MARCO: variants seen among roughly 807,000 people sequenced by gnomAD.
MARCO encodes the protein macrophage receptor MARCO.
A neutral mutation model predicts 70.0 loss-of-function variants in MARCO; 72 were observed. The observed-to-expected ratio is 1.03, with a 90% CI of 0.85 to 1.25. The LOEUF (loss-of-function observed/expected upper bound fraction) is 1.25, where lower values mean the gene tolerates loss of function less well. Ranked by LOEUF, MARCO falls within the 50% of genes most tolerant of loss-of-function variation. MARCO has a pLI of 0.00. For missense variants in MARCO, 696 were observed against 659.3 expected (o/e 1.06, Z -0.61); for synonymous variants, 273 against 243.1 (o/e 1.12, Z -1.14).
intron 10 of MARCO, 112 bp from the exon 11 acceptor site, chr2:118,982,044 G>C (rs1558669785): frequency 4.4e-6 from 3 of 688,186 alleles, no homozygotes; most frequent in Non-Finnish European, 5.0e-6. Context: ...CAAGAGGACT[G>C]TAAGGTGTTA....
rs547350384 is a variant in MARCO, at chr2:118,979,879, T to C, written c.767-1530T>C. The stretch of plus-strand genomic sequence containing the variant: ...TATTCTCTTCCTGCTAGTAGACAGA[T>C]AAGCCACCAACTTAAAGTCCCAGGG... On this transcript the variant is annotated intron_variant, in intron 8 of 16. Transcript: ENST00000327097. Among the ~76,000 whole-genome samples the C allele has an allele frequency of 2.0e-5, 3 of 152,304 alleles. No individual in the cohort carries two copies. The East Asian group carries it at 5.8e-4, about 29-fold the overall frequency.
In MARCO at chr2:118,982,200, G is replaced by A. The variant is rs1558669878; in HGVS notation, c.946G>A (p.Gly316Arg). ...TGTTCCGGGCCCTCCTGGTGCAGTG[G>A]GACACCCAGGTGCCAAGGGTGAGCC... is the stretch of plus-strand genomic sequence containing the variant. The part of the protein sequence containing the change: ...QGVPGPPGAV[G>R]HPGAKGEPGS... Residue 316 changes from glycine to arginine, a missense_variant, in exon 11 of 17, where the codon GGA (glycine) becomes AGA (arginine). Gly to Arg is a moderately radical substitution (Grantham distance 125). This residue lies in a region of MARCO where 605 missense variants were observed against 537.6 expected (regional missense o/e 1.13). Transcript: ENST00000327097. 1 of 1,613,330 alleles carries A rather than the reference G, an allele frequency of 6.2e-7. No individual in the cohort carries two copies. The highest frequency in any genetic ancestry group is 8.5e-7 in the Non-Finnish European group (1 of 1,179,458).
intron 4 of MARCO, among the ~76,000 whole-genome samples, chr2:118,973,434 A>G (rs1327602611): frequency 1.3e-5 from 2 of 152,020 alleles, no homozygotes; most frequent in Non-Finnish European, 1.5e-5. Flanking sequence ...TTTTGTGCCC[A>G]GAAACCAGAG....
intron 12 of MARCO, among the ~76,000 whole-genome samples, chr2:118,988,829 C>T (rs757228411): frequency 1.3e-5 from 2 of 152,024 alleles, no homozygotes; most frequent in Non-Finnish European, 2.9e-5. Context: ...TGGACTCAAC[C>T]TCAGTGCCTG....
intron 1 of MARCO, among the ~76,000 whole-genome samples, chr2:118,965,963 C>T (rs1210837108): frequency 6.6e-6 from 1 of 152,142 alleles, no homozygotes; most frequent in Non-Finnish European, 1.5e-5. Context: ...CACCAGGCAG[C>T]CCAGTGCTAG....
intron 1 of MARCO, among the ~76,000 whole-genome samples, chr2:118,964,801 T>C (rs1680013161): frequency 6.7e-6 from 1 of 149,820 alleles, no homozygotes; most frequent in Non-Finnish European, 1.5e-5. Flanking sequence ...GGCACAAGAA[T>C]CACCTGAACC....
chr2:118,986,672 GGAAAGAAA>G lies in MARCO; in HGVS notation c.1064-3872_1064-3865del, dbSNP rs70949954. 8.4e-3 allele frequency among the ~76,000 whole-genome samples: 407 copies of G among 48,558 alleles called. 22 individuals carry two copies. Among genetic ancestry groups the G allele is most frequent in the African/African-American group, 0.014 (107 of 7,432 alleles). The allele number at this position is 48,558 out of a possible 152,430, so 31.9% of individuals were successfully genotyped here. ...AAGAAAGAAGGAAGGAAGGAAGGAA[GGAAAGAAA>G]GAAAGAAAGAAAGAAAGAAAGAAAG... On this transcript the variant is annotated intron_variant, in intron 12 of 16. Coordinates refer to ENST00000327097, the MANE Select transcript of MARCO (RefSeq NM_006770.4).
At chr2:118,984,969 C>T (rs993681153) in intron 12 of MARCO, among the ~76,000 whole-genome samples, 3 of 152,122 alleles carry the variant, frequency 2.0e-5, no homozygotes, top group Non-Finnish European at 4.4e-5. Flanking sequence ...AATTACAGTG[C>T]GTTGGCTTGA....
chr2:118,947,014 T>C (rs1679613312), intron 1 of MARCO, among the ~76,000 whole-genome samples: 3 of 152,222 alleles, frequency 2.0e-5, no homozygotes, highest in Non-Finnish European at 4.4e-5. Context: ...TTGGATCTTT[T>C]ATTTTTTATG....
At chr2:118,991,032 C>G (rs1339219629) in intron 13 of MARCO, among the ~76,000 whole-genome samples, 1 of 152,138 alleles carries the variant, frequency 6.6e-6, no homozygotes, top group African/African-American at 2.4e-5. Context: ...GGCCCCCAAG[C>G]TTCTCCTCTC....
Position 118,981,486 on chromosome 2 carries a change from T to A in MARCO, c.844T>A (p.Phe282Ile). Residue 282 changes from phenylalanine to isoleucine, a missense_variant, in exon 9 of 17, where the codon TTC (phenylalanine) becomes ATC (isoleucine). Transcript: ENST00000327097. ...PPGAQGSKGD[F>I]GRPGPPGLAG... ...TGGAGCCCAGGGGAGTAAAGGTGAC[T>A]TCGGGAGGCCAGGCCCACCAGGTAA... is the stretch of plus-strand genomic sequence containing the variant. The A allele has an allele frequency of 6.3e-7, 1 of 1,599,932 alleles. No homozygotes were observed. The highest frequency in any genetic ancestry group is 8.5e-7 in the Non-Finnish European group (1 of 1,176,882).
chr2:118,957,523 C>A (rs537260033), intron 1 of MARCO, among the ~76,000 whole-genome samples: 28 of 151,832 alleles, frequency 1.8e-4, no homozygotes, highest in Non-Finnish European at 3.7e-4. Context: ...AACAAACAAA[C>A]AAACAAACAG....
At position 118,990,569 on chromosome 2, in the gene MARCO, C is replaced by CGGGTG; in HGVS notation, c.1064-20_1064-19insGGGTG. 2.1e-6 allele frequency: 3 copies of CGGGTG among 1,415,972 alleles called. No individual in the cohort carries two copies. The highest frequency in any genetic ancestry group is 2.9e-6 in the Non-Finnish European group (3 of 1,028,326). 87.7% of individuals were successfully genotyped at this position (1,415,972 alleles called of 1,614,324 possible). On this transcript the variant is annotated intron_variant, in intron 12 of 16. Coordinates refer to ENST00000327097, the MANE Select transcript of MARCO (RefSeq NM_006770.4). The stretch of plus-strand genomic sequence containing the variant: ...AGTTTTATTATCTCCTCCCCCCCCC[C>CGGGTG]TTTTTTGTTTTGATCTTAGGACTTC...
intron 10 of MARCO, 105 bp from the exon 11 acceptor site, chr2:118,982,051 G>A (rs1041543914): frequency 9.6e-6 from 7 of 730,182 alleles, no homozygotes; most frequent in African/African-American, 1.8e-5. Context: ...ACTGTAAGGT[G>A]TTAAGAGGTA....
Position 118,991,688 on chromosome 2 carries a change from A to T in MARCO, c.1109-89A>T, listed in dbSNP as rs1680623619. 1.3e-5 allele frequency: 9 copies of T among 715,748 alleles called. No homozygotes were observed. The East Asian group carries it at 2.6e-4, about 21-fold the overall frequency. The allele number at this position is 715,748 out of a possible 1,614,324, so 44.3% of individuals were successfully genotyped here. ...CATGGGGGAGGTCTGGCAGTTAAGGATAACTCATTTATTAAACAGTAATGC... is the reference window on the plus strand; with the variant it reads ...CATGGGGGAGGTCTGGCAGTTAAGGTTAACTCATTTATTAAACAGTAATGC... On this transcript the variant is annotated intron_variant, in intron 13 of 16. Transcript: ENST00000327097.
intron 1 of MARCO, among the ~76,000 whole-genome samples, chr2:118,957,249 G>T (rs944746385): frequency 1.3e-5 from 2 of 151,838 alleles, no homozygotes; most frequent in Admixed American, 6.6e-5. Context: ...CAAGATAAAC[G>T]AAGGAAAGAA....
At position 118,986,697 on chromosome 2, in the gene MARCO, GAAAGAAAGAAAGAAAGAAAGAAAGA is replaced by G. The variant is rs1680515936; in HGVS notation, c.1064-3874_1064-3850del. The stretch of plus-strand genomic sequence containing the variant: ...GGAAAGAAAGAAAGAAAGAAAGAAA[GAAAGAAAGAAAGAAAGAAAGAAAGA>G]AAAGAAAGAAAGAAAGAGAAAGAAA... On this transcript the variant is annotated intron_variant, in intron 12 of 16. Coordinates refer to ENST00000327097, the MANE Select transcript of MARCO (RefSeq NM_006770.4). Among the ~76,000 whole-genome samples the G allele has an allele frequency of 8.1e-5, 6 of 73,826 alleles. 1 individual carries two copies. The highest frequency in any genetic ancestry group is 3.4e-4 in the African/African-American group (6 of 17,670). The allele number at this position is 73,826 out of a possible 152,430, so 48.4% of individuals were successfully genotyped here.
chr2:118,975,615 GTGTGCACA>G (rs1382933704), intron 6 of MARCO, among the ~76,000 whole-genome samples: 3 of 152,238 alleles, frequency 2.0e-5, no homozygotes, highest in Admixed American at 1.3e-4. Flanking sequence ...GCAGTCAGAG[GTGTGCACA>G]TGCATTCACA....
Position 118,981,465 on chromosome 2 carries a change from G to T in MARCO, c.823G>T (p.Ala275Ser). 6.3e-7 allele frequency: 1 copy of T among 1,598,070 alleles called. No homozygotes were observed. The highest frequency in any genetic ancestry group is 8.5e-7 in the Non-Finnish European group (1 of 1,176,380). The change falls in exon 9 of 17, where the codon GCC becomes TCC. Residue 275 changes from alanine (A) to serine (S), a missense_variant. Transcript: ENST00000327097. ...TGCAGGGGTCATGGGGCCTCCTGGA[G>T]CCCAGGGGAGTAAAGGTGACTTCGG... The part of the protein sequence containing the change: ...GDAGVMGPPG[A>S]QGSKGDFGRP...
Sources: gnomAD v4.1 joint callset for allele counts (sites outside exome capture counted in the v4.1 genomes callset) on GRCh38, gnomAD v4.1.1 for gene constraint, gnomAD v4.1.1 regional missense constraint, MANE v1.5 for transcripts, NCBI Gene and HGNC (gene_info 2026-07-23, HGNC 2026-07-21) for gene names.